Variants in FSHR observed in about 807,000 individuals in gnomAD.
FSHR encodes follicle-stimulating hormone receptor.
Under a neutral mutation model 52.1 loss-of-function variants are expected in FSHR, and 46 were observed. The ratio of observed to expected loss-of-function variants is 0.88; its 90% CI spans 0.70 to 1.13. The LOEUF (loss-of-function observed/expected upper bound fraction) is 1.13. Among genes scored for constraint, FSHR ranks in the 50% most tolerant of loss-of-function variants. The probability of loss-of-function intolerance (pLI) is 0.00; values close to 1 mark genes in which losing one functional copy is unlikely to be tolerated. For missense variants in FSHR, 964 were observed against 834.6 expected (o/e 1.16, Z -1.91); for synonymous variants, 399 against 309.6 (o/e 1.29, Z -3.03).
At chr2:49,113,739 T>C (rs1421568325) in intron 1 of FSHR, among the ~76,000 whole-genome samples, 1 of 152,140 alleles carries the variant, frequency 6.6e-6, no homozygotes, top group Non-Finnish European at 1.5e-5. Flanking sequence ...TAGACAGTGG[T>C]TTCTGAATTT....
intron 1 of FSHR, among the ~76,000 whole-genome samples, chr2:49,104,282 C>T (rs888751014): frequency 6.6e-6 from 1 of 152,102 alleles, no homozygotes; most frequent in Non-Finnish European, 1.5e-5. Flanking sequence ...TCTGGTCAGC[C>T]ATTGCCACTT....
chr2:49,040,752 A>G (rs1039783840), intron 2 of FSHR, among the ~76,000 whole-genome samples: 1 of 152,176 alleles, frequency 6.6e-6, no homozygotes, highest in Non-Finnish European at 1.5e-5. Context: ...ACAAAGTTTA[A>G]TGATTGGACT....
intron 1 of FSHR, among the ~76,000 whole-genome samples, chr2:49,099,231 T>C (rs985756454): frequency 2.6e-5 from 4 of 152,036 alleles, no homozygotes. Flanking sequence ...GGAAGATAAT[T>C]GAATCATGGG....
chr2:49,077,166 C>G (rs1260954314), intron 1 of FSHR, among the ~76,000 whole-genome samples: 1 of 152,258 alleles, frequency 6.6e-6, no homozygotes, highest in Non-Finnish European at 1.5e-5. Context: ...CTCTCCCCTG[C>G]AGCAGACTTC....
At chr2:49,001,103 G>A (rs866066859) in intron 4 of FSHR, among the ~76,000 whole-genome samples, 3 of 152,212 alleles carry the variant, frequency 2.0e-5, no homozygotes, top group African/African-American at 7.2e-5. Context: ...CTTACAGAGA[G>A]TAACTGACCT....
At chr2:48,982,383 A>G (rs1032342957) in intron 8 of FSHR, among the ~76,000 whole-genome samples, 1 of 152,206 alleles carries the variant, frequency 6.6e-6, no homozygotes, top group Non-Finnish European at 1.5e-5. Flanking sequence ...AGAGGATCCA[A>G]AAATAATGTG....
intron 2 of FSHR, among the ~76,000 whole-genome samples, chr2:49,020,938 G>C (rs1667674180): frequency 6.6e-6 from 1 of 152,114 alleles, no homozygotes; most frequent in Non-Finnish European, 1.5e-5. Flanking sequence ...GGGCCTGTCA[G>C]GGGGTAGGAT....
intron 4 of FSHR, among the ~76,000 whole-genome samples, chr2:49,012,092 G>A (rs1414108488): frequency 1.3e-5 from 2 of 152,086 alleles, no homozygotes; most frequent in Non-Finnish European, 2.9e-5. Context: ...GAAGATGGTT[G>A]TCAGTGGGGC....
At chr2:49,132,817 C>G (rs918468628) in intron 1 of FSHR, among the ~76,000 whole-genome samples, 5 of 151,954 alleles carry the variant, frequency 3.3e-5, no homozygotes, top group African/African-American at 4.8e-5. Flanking sequence ...TCCAGCATGA[C>G]AGTTTAAGGA....
At chr2:49,045,334 A>C (rs1200243341) in intron 2 of FSHR, among the ~76,000 whole-genome samples, 1 of 152,192 alleles carries the variant, frequency 6.6e-6, no homozygotes, top group Non-Finnish European at 1.5e-5. Flanking sequence ...ACCCAGACCT[A>C]CTCAATCAGA....
chr2:48,976,164 A>G (rs979471396), intron 8 of FSHR, among the ~76,000 whole-genome samples: 3 of 152,198 alleles, frequency 2.0e-5, no homozygotes, highest in Non-Finnish European at 4.4e-5. Context: ...CGGTCCATCA[A>G]TACCTAGATT....
At chr2:49,033,825 G>T (rs2104262702) in intron 2 of FSHR, among the ~76,000 whole-genome samples, 1 of 152,230 alleles carries the variant, frequency 6.6e-6, no homozygotes, top group East Asian at 1.9e-4. Context: ...TTTAATAAGA[G>T]AATTGTCATG....
rs1184310485 is a variant in FSHR at position 48,962,690 on chromosome 2, C to G, written c.*43G>C. 6.3e-7 allele frequency: 1 copy of G among 1,582,662 alleles called. No individual in the cohort carries two copies. Among genetic ancestry groups the G allele is most frequent in the Non-Finnish European group, 8.7e-7 (1 of 1,151,774 alleles). The stretch of plus-strand genomic sequence containing the variant: ...TGTGACATACCCTTCAAAGGCAAGA[C>G]TGAATTATCATTCAATACTCAGATA... On this transcript the variant is annotated 3_prime_UTR_variant, in exon 10 of 10. Transcript: ENST00000406846.
intron 1 of FSHR, among the ~76,000 whole-genome samples, chr2:49,149,032 G>T (rs891297666): frequency 1.3e-5 from 2 of 152,020 alleles, no homozygotes; most frequent in Admixed American, 6.6e-5. Context: ...GATTTAGATT[G>T]CCAGGGCCGA....
At chr2:49,103,122 T>A (rs928811458) in intron 1 of FSHR, among the ~76,000 whole-genome samples, 3 of 152,116 alleles carry the variant, frequency 2.0e-5, no homozygotes, top group Non-Finnish European at 4.4e-5. Context: ...CTGTCTTATC[T>A]CTCCTCCCCT....
intron 1 of FSHR, among the ~76,000 whole-genome samples, chr2:49,104,145 A>G (rs1671142264): frequency 6.6e-6 from 1 of 152,130 alleles, no homozygotes; most frequent in South Asian, 2.1e-4. Flanking sequence ...AGTAGATTTA[A>G]TCTTTGCGAA....
intron 1 of FSHR, among the ~76,000 whole-genome samples, chr2:49,096,373 A>G (rs563631268): frequency 6.6e-6 from 1 of 152,358 alleles, no homozygotes; most frequent in African/African-American, 2.4e-5. Context: ...CATATTGTAT[A>G]TGATTATTTT....
chr2:49,072,759 T>G (rs1160632557), intron 1 of FSHR, among the ~76,000 whole-genome samples: 1 of 152,146 alleles, frequency 6.6e-6, no homozygotes. Context: ...TTTCTACTAG[T>G]AGCAAAAGGT....
At chr2:49,018,826 C>T (rs948634664) in intron 3 of FSHR, among the ~76,000 whole-genome samples, 46 of 117,390 alleles carry the variant, frequency 3.9e-4, no homozygotes, top group Non-Finnish European at 1.3e-4. Context: ...TTCACACACA[C>T]GCGCATGCAC....
Sources: gnomAD v4.1 joint callset for allele counts (sites outside exome capture counted in the v4.1 genomes callset) on GRCh38, gnomAD v4.1.1 for gene constraint, MANE v1.5 for transcripts, NCBI Gene and HGNC (gene_info 2026-07-23, HGNC 2026-07-21) for gene names.